The following CCSER1 variants were observed in gnomAD, a reference collection of about 807,000 sequenced individuals.
The protein encoded by CCSER1 is serine-rich coiled-coil domain-containing protein 1.
In CCSER1, 41 loss-of-function variants were observed where a neutral mutation model predicts 82.0. The observed-to-expected ratio is 0.50, with a 90% CI of 0.39 to 0.65. The LOEUF (loss-of-function observed/expected upper bound fraction) is 0.65, where lower values mean the gene tolerates loss of function less well. CCSER1 is among the 30% of genes least tolerant of loss of function. The pLI is 0.00. For missense variants in CCSER1, 1,119 were observed against 1,064.2 expected (o/e 1.05, Z -0.72); for synonymous variants, 414 against 383.9 (o/e 1.08, Z -0.92).
At chr4:91,058,674 A>G (rs1043721956) in intron 9 of CCSER1, among the ~76,000 whole-genome samples, 1 of 152,062 alleles carries the variant, frequency 6.6e-6, no homozygotes, top group African/African-American at 2.4e-5. Flanking sequence ...GCACATTTTT[A>G]TGTTATCCTT....
chr4:90,590,473 G>A (rs1373984951), intron 5 of CCSER1, among the ~76,000 whole-genome samples: 6 of 151,994 alleles, frequency 3.9e-5, no homozygotes, highest in African/African-American at 1.4e-4. Context: ...TCAGCTACTC[G>A]GGAGGCTGAA....
intron 5 of CCSER1, among the ~76,000 whole-genome samples, chr4:90,614,729 A>G (rs1019331996): frequency 1.4e-4 from 22 of 152,220 alleles, no homozygotes; most frequent in African/African-American, 5.1e-4. Flanking sequence ...AGATTTAAGG[A>G]GAGAAGCTAT....
rs10593067 is a variant in CCSER1 at position 90,650,218 on chromosome 4, A to AAAAC, written c.1932+22008_1932+22011dup. 6.0e-3 allele frequency among the ~76,000 whole-genome samples: 910 copies of AAAAC among 151,786 alleles called. 9 individuals carry two copies. The highest frequency in any genetic ancestry group is 0.019 in the African/African-American group (768 of 41,288). On this transcript the variant is annotated intron_variant, in intron 6 of 10. Transcript: ENST00000509176. ...GGCGACTGAGCAAGACTCCGTCTCAAAAACAAACAAACAAACAAACAAACA... is the reference window on the plus strand; with the variant it reads ...GGCGACTGAGCAAGACTCCGTCTCAAAAACAAACAAACAAACAAACAAACAAACA...
At chr4:90,168,116 C>T (rs1730880227) in intron 1 of CCSER1, among the ~76,000 whole-genome samples, 1 of 152,174 alleles carries the variant, frequency 6.6e-6, no homozygotes, top group Non-Finnish European at 1.5e-5. Context: ...TCCTATTTCT[C>T]CATATCCTTT....
At chr4:91,168,540 C>T (rs1275790587) in intron 10 of CCSER1, among the ~76,000 whole-genome samples, 10 of 149,558 alleles carry the variant, frequency 6.7e-5, no homozygotes, top group Non-Finnish European at 1.5e-4. Context: ...GTGAGGAGTG[C>T]CTCTGCCCGG....
chr4:90,448,283 G>A (rs1022563068), intron 4 of CCSER1, among the ~76,000 whole-genome samples: 1 of 151,486 alleles, frequency 6.6e-6, no homozygotes, highest in Non-Finnish European at 1.5e-5. Context: ...AATTCACAAA[G>A]CATTGTTTTG....
chr4:91,209,277 C>G (rs947008831), intron 10 of CCSER1, among the ~76,000 whole-genome samples: 16 of 151,902 alleles, frequency 1.1e-4, no homozygotes, highest in Non-Finnish European at 2.2e-4. Context: ...GAGTGGGCAT[C>G]CTTGTCTTGT....
intron 4 of CCSER1, among the ~76,000 whole-genome samples, chr4:90,442,783 A>T (rs1211448922): frequency 6.6e-6 from 1 of 152,210 alleles, no homozygotes; most frequent in Non-Finnish European, 1.5e-5. Context: ...AGAAGCAAAC[A>T]GTGAATTATT....
rs1161861267 is a variant in CCSER1, at chr4:91,494,204, T to C, written c.2218-104368T>C. Among the ~76,000 whole-genome samples, 6 of 151,842 alleles carry C rather than the reference T, an allele frequency of 4.0e-5. No individual in the cohort carries two copies. In the South Asian group the frequency reaches 8.3e-4, roughly 21 times the overall value. ...ACTGTAAGAAATATATATCTGTTAT[T>C]TATAATTACCAGTGTCAGGTATTTT... On this transcript the variant is annotated intron_variant, in intron 10 of 10. Transcript: ENST00000509176.
chr4:90,979,408 ATT>A (rs1164667153), intron 9 of CCSER1, among the ~76,000 whole-genome samples: 2 of 151,700 alleles, frequency 1.3e-5, no homozygotes, highest in Non-Finnish European at 2.9e-5. Context: ...AATATTTTAT[ATT>A]TTAAATGTTA....
intron 8 of CCSER1, among the ~76,000 whole-genome samples, chr4:90,917,994 TTG>T (rs1256432317): frequency 1.3e-5 from 2 of 152,104 alleles, no homozygotes; most frequent in African/African-American, 4.8e-5. Flanking sequence ...TAAGCAGACT[TTG>T]TGTTTCTTTT....
At chr4:91,172,408 G>C (rs1581703083) in intron 10 of CCSER1, among the ~76,000 whole-genome samples, 3 of 152,320 alleles carry the variant, frequency 2.0e-5, no homozygotes, top group African/African-American at 2.4e-5. Context: ...AACAACATGA[G>C]TGAAGGCCCA....
intron 10 of CCSER1, among the ~76,000 whole-genome samples, chr4:91,396,560 A>G (rs1199321326): frequency 2.0e-5 from 3 of 152,066 alleles, no homozygotes; most frequent in Non-Finnish European, 4.4e-5. Flanking sequence ...TTAGCAATGT[A>G]TTATTCATCT....
intron 6 of CCSER1, among the ~76,000 whole-genome samples, chr4:90,634,407 T>G (rs11097256): frequency 0.077 from 11,654 of 151,792 alleles, 562 homozygotes; most frequent in East Asian, 0.18. Flanking sequence ...AATAATAATT[T>G]AAGACTTTCA....
intron 10 of CCSER1, among the ~76,000 whole-genome samples, chr4:91,274,663 CT>C (rs1426510466): frequency 3.9e-5 from 6 of 152,090 alleles, no homozygotes; most frequent in African/African-American, 1.4e-4. Context: ...ATGAGTTATT[CT>C]TTTTTATGGC....
chr4:91,299,385 A>G (rs1380042440), intron 10 of CCSER1, among the ~76,000 whole-genome samples: 1 of 152,038 alleles, frequency 6.6e-6, no homozygotes, highest in Non-Finnish European at 1.5e-5. Flanking sequence ...AGGCCCAACT[A>G]TACCTTTTTG....
intron 6 of CCSER1, chr4:90,693,504 T>A (rs1579966320): frequency 6.6e-6 from 1 of 151,840 alleles, no homozygotes; most frequent in South Asian, 2.1e-4. Context: ...GTCGAGTGAG[T>A]ATTTCATTGA....
At chr4:91,306,321 A>G (rs1023791448) in intron 10 of CCSER1, among the ~76,000 whole-genome samples, 7 of 151,960 alleles carry the variant, frequency 4.6e-5, no homozygotes, top group Non-Finnish European at 1.5e-5. Context: ...TGAAGACTTA[A>G]ATTGCTTTAG....
intron 9 of CCSER1, among the ~76,000 whole-genome samples, chr4:90,998,225 C>A (rs1421081074): frequency 1.3e-5 from 2 of 152,094 alleles, no homozygotes; most frequent in East Asian, 3.9e-4. Flanking sequence ...GGATTACAGG[C>A]ATGCGTCACC....
Sources: gnomAD v4.1 joint callset for allele counts (sites outside exome capture counted in the v4.1 genomes callset) on GRCh38, gnomAD v4.1.1 for gene constraint, MANE v1.5 for transcripts, NCBI Gene and HGNC (gene_info 2026-07-23, HGNC 2026-07-21) for gene names.